RNF182: variants seen among roughly 807,000 people sequenced by gnomAD.
RNF182 encodes E3 ubiquitin-protein ligase RNF182.
RNF182 carries 15 observed loss-of-function variants against 14.4 expected under a neutral mutation model. That is an observed-to-expected ratio of 1.04 (90% confidence interval 0.70 to 1.60). The LOEUF is 1.60. Ranked by LOEUF, RNF182 falls within the 40% of genes most tolerant of loss-of-function variation. The probability of loss-of-function intolerance (pLI) is 0.00; values close to 1 mark genes in which losing one functional copy is unlikely to be tolerated. For missense variants in RNF182, 268 were observed against 294.8 expected, an observed-to-expected ratio of 0.91 and a Z score of 0.67; for synonymous variants, 128 against 122.9, an observed-to-expected ratio of 1.04 and a Z score of -0.27.
At chr6:13,935,651 TG>T (rs1233493717) in intron 1 of RNF182, among the ~76,000 whole-genome samples, 2 of 152,232 alleles carry the variant, frequency 1.3e-5, no homozygotes, top group Non-Finnish European at 2.9e-5. Flanking sequence ...AACCACAGGA[TG>T]TCACTGAAAT....
At chr6:13,949,332 T>C (rs1440096082) in intron 1 of RNF182, 4 of 771,468 alleles carry the variant, frequency 5.2e-6, no homozygotes, top group African/African-American at 5.1e-5. Context: ...TTTAATAGAG[T>C]GGCCCCCTTG....
chr6:13,955,207 G>T (rs1050517879), intron 1 of RNF182, among the ~76,000 whole-genome samples: 4 of 152,164 alleles, frequency 2.6e-5, no homozygotes, highest in Admixed American at 6.5e-5. Context: ...GTACAACTAC[G>T]TGCCCATAAA....
Position 13,977,249 on chromosome 6 carries a change from TG to T in RNF182, c.131del (p.Cys44LeufsTer9), listed in dbSNP as rs1219617227. The part of the protein sequence containing the change: ...PKVLECCHRV[C>X]AKCLYKIIDF... The stretch of plus-strand genomic sequence containing the variant: ...AGTGCTGGAGTGTTGTCATAGGGTT[TG>T]TGCCAAATGCCTCTACAAGATCATA... On this transcript the variant is annotated frameshift_variant, in exon 3 of 3. Transcript: ENST00000488300. LOFTEE classifies it high-confidence loss of function. 6.2e-7 allele frequency: 1 copy of T among 1,614,208 alleles called. No individual in the cohort carries two copies. Among genetic ancestry groups the T allele is most frequent in the Admixed American group, 1.7e-5 (1 of 60,018 alleles).
At chr6:13,970,123 C>A (rs1320528445) in intron 1 of RNF182, among the ~76,000 whole-genome samples, 1 of 152,068 alleles carries the variant, frequency 6.6e-6, no homozygotes, top group Non-Finnish European at 1.5e-5. Context: ...GTATTCATCA[C>A]CTTAACTGTT....
chr6:13,945,433 G>A (rs1759414017), intron 1 of RNF182, among the ~76,000 whole-genome samples: 1 of 152,162 alleles, frequency 6.6e-6, no homozygotes, highest in Non-Finnish European at 1.5e-5. Context: ...TACTTCAGCA[G>A]TGCCCCTCAG....
At chr6:13,934,091 T>C (rs565754059) in intron 1 of RNF182, among the ~76,000 whole-genome samples, 183 of 152,312 alleles carry the variant, frequency 1.2e-3, no homozygotes, top group African/African-American at 4.2e-3. Context: ...GCAGGAAAAG[T>C]ATTTTTCATT....
At chr6:13,944,738 T>C (rs1477063608) in intron 1 of RNF182, among the ~76,000 whole-genome samples, 1 of 152,208 alleles carries the variant, frequency 6.6e-6, no homozygotes, top group African/African-American at 2.4e-5. Context: ...CAGTACTGTC[T>C]CTATGTTACA....
chr6:13,973,621 G>T (rs891593834), intron 1 of RNF182, among the ~76,000 whole-genome samples: 5 of 152,128 alleles, frequency 3.3e-5, no homozygotes, highest in African/African-American at 1.2e-4. Flanking sequence ...GGCATTCATT[G>T]TCTCTTGCCT....
chr6:13,966,638 C>T (rs1177653728), intron 1 of RNF182, among the ~76,000 whole-genome samples: 1 of 151,944 alleles, frequency 6.6e-6, no homozygotes, highest in Non-Finnish European at 1.5e-5. Context: ...TGGCGCACAC[C>T]TGTAATCTCA....
chr6:13,959,998 G>T (rs1484499915), intron 1 of RNF182, among the ~76,000 whole-genome samples: 1 of 151,822 alleles, frequency 6.6e-6, no homozygotes, highest in Non-Finnish European at 1.5e-5. Context: ...CTAGAGATTT[G>T]ATAGAAGAGG....
intron 1 of RNF182, among the ~76,000 whole-genome samples, chr6:13,936,544 A>G (rs1227769660): frequency 6.6e-6 from 1 of 152,206 alleles, no homozygotes; most frequent in Non-Finnish European, 1.5e-5. Flanking sequence ...AAAATCTCAC[A>G]TTGTAGAGTG....
At chr6:13,949,987 A>G (rs1053723006) in intron 1 of RNF182, among the ~76,000 whole-genome samples, 1 of 152,158 alleles carries the variant, frequency 6.6e-6, no homozygotes, top group Non-Finnish European at 1.5e-5. Flanking sequence ...ACTTTCCACC[A>G]TTTGCTCAAA....
intron 1 of RNF182, among the ~76,000 whole-genome samples, chr6:13,928,092 CTT>C (rs1368357994): frequency 6.6e-6 from 1 of 152,174 alleles, no homozygotes; most frequent in Non-Finnish European, 1.5e-5. Context: ...AGCTGAAAAA[CTT>C]TTGTGGACGT....
intron 1 of RNF182, among the ~76,000 whole-genome samples, chr6:13,956,067 T>G (rs1661161376): frequency 6.6e-6 from 1 of 152,226 alleles, no homozygotes; most frequent in Non-Finnish European, 1.5e-5. Flanking sequence ...CCTGGCTTCT[T>G]TCACTTCACA....
chr6:13,944,258 G>C (rs1759379490), intron 1 of RNF182, among the ~76,000 whole-genome samples: 1 of 152,174 alleles, frequency 6.6e-6, no homozygotes, highest in Non-Finnish European at 1.5e-5. Flanking sequence ...ATTATCAGGT[G>C]TTGGCTAGAA....
chr6:13,939,460 A>G (rs990020335), intron 1 of RNF182, among the ~76,000 whole-genome samples: 4 of 151,986 alleles, frequency 2.6e-5, no homozygotes, highest in Admixed American at 2.6e-4. Context: ...TGCAAATGCC[A>G]TCTTTTCACC....
intron 1 of RNF182, among the ~76,000 whole-genome samples, chr6:13,954,757 C>G (rs1207206640): frequency 1.3e-5 from 2 of 152,152 alleles, no homozygotes; most frequent in Non-Finnish European, 2.9e-5. Context: ...TAGAATTTCT[C>G]ACAGTCAGAA....
chr6:13,933,985 T>C (rs1339737745), intron 1 of RNF182, among the ~76,000 whole-genome samples: 1 of 152,062 alleles, frequency 6.6e-6, no homozygotes, highest in Non-Finnish European at 1.5e-5. Flanking sequence ...ACCACTGCAC[T>C]CCAGCCTGGG....
At chr6:13,943,312 G>A (rs1454042332) in intron 1 of RNF182, among the ~76,000 whole-genome samples, 2 of 151,114 alleles carry the variant, frequency 1.3e-5, no homozygotes, top group Non-Finnish European at 2.9e-5. Context: ...GTAGAAATAG[G>A]GTCTCACCGT....
Sources: allele counts gnomAD v4.1 joint callset (sites outside exome capture counted in the v4.1 genomes callset), GRCh38; gene constraint gnomAD v4.1.1; transcripts MANE v1.5; gene names NCBI Gene and HGNC (gene_info 2026-07-23, HGNC 2026-07-21).